SLC24A2: variants seen among roughly 807,000 people sequenced by gnomAD.
The protein encoded by SLC24A2 is sodium/potassium/calcium exchanger 2.
A neutral mutation model predicts 62.0 loss-of-function variants in SLC24A2; 36 were observed. The observed-to-expected ratio is 0.58, with a 90% confidence interval of 0.44 to 0.77. The LOEUF (loss-of-function observed/expected upper bound fraction) is 0.77. SLC24A2 is among the 30% of genes least tolerant of loss of function. The pLI is 0.00. For missense variants in SLC24A2, 846 were observed against 817.9 expected (o/e 1.03, Z -0.42); for synonymous variants, 358 against 294.0 (o/e 1.22, Z -2.23).
At chr9:19,925,535 A>G in the SLC24A2 span, among the ~76,000 whole-genome samples, 4 of 152,242 alleles carry the variant, frequency 2.6e-5, no homozygotes, top group Non-Finnish European at 5.9e-5. Flanking sequence ...TTATAATTCA[A>G]TCAGCCAACA....
intron 2 of SLC24A2, among the ~76,000 whole-genome samples, chr9:19,760,012 G>A (rs1822270193): frequency 6.6e-6 from 1 of 152,086 alleles, no homozygotes; most frequent in East Asian, 1.9e-4. Context: ...ACTTTATTTT[G>A]TTGAATGTTG....
the SLC24A2 span, among the ~76,000 whole-genome samples, chr9:20,294,360 G>C: frequency 6.6e-6 from 1 of 152,292 alleles, no homozygotes; most frequent in South Asian, 2.1e-4. Flanking sequence ...GCCCTAGGAA[G>C]GAATTATTTC....
chr9:20,257,302 A>G, the SLC24A2 span, among the ~76,000 whole-genome samples: 10 of 151,888 alleles, frequency 6.6e-5, no homozygotes, highest in South Asian at 2.1e-3. Context: ...ATACACTCCA[A>G]AAAACAAGAG....
the SLC24A2 span, among the ~76,000 whole-genome samples, chr9:20,233,118 C>G: frequency 8.5e-5 from 13 of 152,136 alleles, no homozygotes; most frequent in Non-Finnish European, 1.9e-4. Context: ...TGTTCTTTTA[C>G]ATTTGCTGAG....
intron 2 of SLC24A2, among the ~76,000 whole-genome samples, chr9:19,627,322 A>C (rs972188556): frequency 1.3e-5 from 2 of 152,188 alleles, no homozygotes; most frequent in African/African-American, 4.8e-5. Flanking sequence ...GAAATATTTG[A>C]GATAGTAGAA....
intron 2 of SLC24A2, among the ~76,000 whole-genome samples, chr9:19,712,364 A>G (rs1380479992): frequency 2.0e-5 from 3 of 152,244 alleles, no homozygotes; most frequent in Non-Finnish European, 2.9e-5. Flanking sequence ...AGAGCCAACT[A>G]TAAGATCTCC....
At chr9:20,182,953 CT>C in the SLC24A2 span, among the ~76,000 whole-genome samples, 3 of 152,160 alleles carry the variant, frequency 2.0e-5, no homozygotes, top group Non-Finnish European at 4.4e-5. Flanking sequence ...GCAACTATTC[CT>C]TTTAAAGTTG....
chr9:19,962,730 G>A, the SLC24A2 span, among the ~76,000 whole-genome samples: 2 of 152,176 alleles, frequency 1.3e-5, no homozygotes, highest in Non-Finnish European at 1.5e-5. Context: ...CTTTGCTGAA[G>A]CTGCTTATCA....
chr9:20,056,257 T>G, the SLC24A2 span, among the ~76,000 whole-genome samples: 2 of 152,156 alleles, frequency 1.3e-5, no homozygotes, highest in Non-Finnish European at 2.9e-5. Context: ...AATAAATTGG[T>G]GGATGGCTGT....
At position 19,550,217 on chromosome 9, in the gene SLC24A2, T is replaced by A. The variant is rs1375824392; in HGVS notation, c.1399A>T (p.Thr467Ser). 1 of 1,614,038 alleles carries A rather than the reference T, an allele frequency of 6.2e-7. No individual in the cohort carries two copies. Among genetic ancestry groups the A allele is most frequent in the Non-Finnish European group, 8.5e-7 (1 of 1,180,018 alleles). ...QPLSLAWPSE[T>S]RKQVTFLIVF... ...ATCAGAAACGTGACTTGCTTGCGGG[T>A]TTCAGAAGGCCAGGCAAGGCTGAGA... Residue 467 changes from threonine to serine, a missense_variant, in exon 8 of 11, where the codon ACC becomes TCC. Thr to Ser is a moderately conservative substitution (Grantham distance 58). Coordinates refer to ENST00000341998, the MANE Select transcript of SLC24A2 (RefSeq NM_020344.4).
intron 2 of SLC24A2, among the ~76,000 whole-genome samples, chr9:19,624,669 A>T (rs1817989999): frequency 1.3e-5 from 2 of 152,212 alleles, no homozygotes; most frequent in South Asian, 4.1e-4. Context: ...TTTCAAGTGT[A>T]ATCTGCAGAC....
the SLC24A2 span, among the ~76,000 whole-genome samples, chr9:19,961,748 C>T: frequency 9.2e-5 from 14 of 152,176 alleles, no homozygotes; most frequent in South Asian, 2.1e-4. Flanking sequence ...AATATGGCTT[C>T]GCCTCTCTCT....
At chr9:20,044,940 C>G in the SLC24A2 span, among the ~76,000 whole-genome samples, 3 of 151,946 alleles carry the variant, frequency 2.0e-5, no homozygotes, top group Non-Finnish European at 4.4e-5. Context: ...TAAGATTTAT[C>G]TGGTATGTGG....
chr9:19,788,763 C>G (rs1392424371), intron 1 of SLC24A2, 122 bp downstream of exon 1: 4 of 985,270 alleles, frequency 4.1e-6, no homozygotes. Context: ...CTGGGGCGCC[C>G]ACATCCACGG....
chr9:20,069,346 G>T, the SLC24A2 span, among the ~76,000 whole-genome samples: 3 of 152,074 alleles, frequency 2.0e-5, no homozygotes, highest in Admixed American at 2.0e-4. Context: ...GTATCAATTG[G>T]TCTTTCAGTA....
chr9:20,016,780 C>G, the SLC24A2 span, among the ~76,000 whole-genome samples: 1 of 151,910 alleles, frequency 6.6e-6, no homozygotes, highest in African/African-American at 2.4e-5. Flanking sequence ...GGGGAGGATA[C>G]ACTCCCAGCT....
At chr9:19,566,226 G>A (rs1464015502) in intron 7 of SLC24A2, among the ~76,000 whole-genome samples, 4 of 147,494 alleles carry the variant, frequency 2.7e-5, no homozygotes, top group Non-Finnish European at 3.0e-5. Flanking sequence ...TCTGACAAAG[G>A]GCTAATATCC....
chr9:20,023,560 C>CA, the SLC24A2 span, among the ~76,000 whole-genome samples: 2 of 113,338 alleles, frequency 1.8e-5, no homozygotes, highest in Non-Finnish European at 3.9e-5. Flanking sequence ...ATTCAGAAAG[C>CA]CCCCCCACCT....
At chr9:19,663,659 C>T (rs1442037699) in intron 2 of SLC24A2, among the ~76,000 whole-genome samples, 1 of 152,158 alleles carries the variant, frequency 6.6e-6, no homozygotes, top group African/African-American at 2.4e-5. Context: ...CTTTACTGTG[C>T]CCTCCTGTTT....
Sources: allele counts gnomAD v4.1 joint callset (sites outside exome capture counted in the v4.1 genomes callset), GRCh38; gene constraint gnomAD v4.1.1; transcripts MANE v1.5; gene names NCBI Gene and HGNC (gene_info 2026-07-23, HGNC 2026-07-21).